ZBTB20: variants seen among roughly 807,000 people sequenced by gnomAD.
ZBTB20 encodes the protein zinc finger and BTB domain containing 20, also known as zinc finger and BTB domain-containing protein 20.
Under a neutral mutation model 56.9 loss-of-function variants are expected in ZBTB20, and 9 were observed. The ratio of observed to expected loss-of-function variants is 0.16; its 90% CI spans 0.10 to 0.28. The LOEUF is 0.28. Among genes scored for constraint, ZBTB20 ranks in the 10% least tolerant of loss-of-function variants. The probability of loss-of-function intolerance (pLI) is 1.00; values close to 1 mark genes in which losing one functional copy is unlikely to be tolerated. For missense variants in ZBTB20, 655 were observed against 1,003.0 expected (o/e 0.65, Z 4.69); for synonymous variants, 417 against 420.7 (o/e 0.99, Z 0.11).
At position 114,500,625 on chromosome 3, in the gene ZBTB20, T is replaced by C. The variant is rs78489535; in HGVS notation, c.-294-234A>G. ...CCTGCTATGATGACCAAGACAGTAC[T>C]TCCCAGCACAAGGAGTGCAAAGACC... is the stretch of plus-strand genomic sequence containing the variant. On this transcript the variant is annotated intron_variant, in intron 6 of 11. Coordinates refer to ENST00000675478, the MANE Select transcript of ZBTB20 (RefSeq NM_001348800.3). Among the ~76,000 whole-genome samples, 334 of 152,272 alleles carry C rather than the reference T, an allele frequency of 2.2e-3. 3 individuals carry two copies. Among genetic ancestry groups the C allele is most frequent in the African/African-American group, 7.6e-3 (316 of 41,552 alleles).
At chr3:114,952,335 T>C (rs1268212208) in intron 3 of ZBTB20, among the ~76,000 whole-genome samples, 1 of 152,094 alleles carries the variant, frequency 6.6e-6, no homozygotes, top group Non-Finnish European at 1.5e-5. Flanking sequence ...TCTTGCCACA[T>C]GATGCCTTCC....
chr3:114,426,465 T>C (rs1450409298), intron 7 of ZBTB20, among the ~76,000 whole-genome samples: 1 of 152,016 alleles, frequency 6.6e-6, no homozygotes, highest in Non-Finnish European at 1.5e-5. Flanking sequence ...TCAGATCAAT[T>C]GTGAATTATA....
At chr3:114,433,677 A>G (rs867883278) in intron 7 of ZBTB20, among the ~76,000 whole-genome samples, 1 of 152,148 alleles carries the variant, frequency 6.6e-6, no homozygotes. Flanking sequence ...CAGTCTCTGT[A>G]TTTATTAAGC....
chr3:115,000,590 T>C (rs2079206389), intron 2 of ZBTB20, among the ~76,000 whole-genome samples: 2 of 151,576 alleles, frequency 1.3e-5, no homozygotes, highest in South Asian at 4.1e-4. Flanking sequence ...AAAAGAAACA[T>C]TGGCCTATCA....
intron 2 of ZBTB20, among the ~76,000 whole-genome samples, chr3:115,013,865 C>CA (rs1326128621): frequency 6.6e-6 from 1 of 150,922 alleles, no homozygotes; most frequent in Non-Finnish European, 1.5e-5. Context: ...GGAAGTTCCT[C>CA]AAAAAACTAA....
intron 6 of ZBTB20, among the ~76,000 whole-genome samples, chr3:114,589,739 A>G (rs528785796): frequency 6.6e-6 from 1 of 151,992 alleles, no homozygotes; most frequent in Non-Finnish European, 1.5e-5. Context: ...ACCTGTGAAC[A>G]CTCTTTAGCA....
intron 5 of ZBTB20, among the ~76,000 whole-genome samples, chr3:114,798,503 T>C (rs608905): frequency 6.6e-6 from 1 of 151,832 alleles, no homozygotes; most frequent in Non-Finnish European, 1.5e-5. Context: ...GAAACATTGC[T>C]TAGACCCTGA....
At chr3:114,897,852 T>A (rs973028838) in intron 4 of ZBTB20, among the ~76,000 whole-genome samples, 3 of 152,112 alleles carry the variant, frequency 2.0e-5, no homozygotes, top group Non-Finnish European at 4.4e-5. Context: ...AACAAAAGGT[T>A]TTAATGCAAT....
chr3:114,839,385 G>A (rs2108990951), intron 4 of ZBTB20, among the ~76,000 whole-genome samples: 2 of 137,744 alleles, frequency 1.5e-5, no homozygotes, highest in East Asian at 4.6e-4. Context: ...TGCAGCCTGG[G>A]TGACAGAGTG....
chr3:114,639,739 A>G (rs1420096190), intron 6 of ZBTB20, among the ~76,000 whole-genome samples: 2 of 152,060 alleles, frequency 1.3e-5, no homozygotes. Context: ...ATACGAGTTC[A>G]TATCTCTCTC....
At chr3:115,105,858 C>A (rs1190881692) in intron 1 of ZBTB20, among the ~76,000 whole-genome samples, 1 of 152,176 alleles carries the variant, frequency 6.6e-6, no homozygotes, top group Non-Finnish European at 1.5e-5. Flanking sequence ...AGCTCCGTCG[C>A]CCAGGCTGGA....
chr3:114,571,351 ATTG>A (rs2107344032), intron 6 of ZBTB20, among the ~76,000 whole-genome samples: 1 of 152,300 alleles, frequency 6.6e-6, no homozygotes, highest in African/African-American at 2.4e-5. Context: ...GGGGAAAACT[ATTG>A]TTCTAAAATT....
chr3:114,394,643 C>A (rs1465539432), intron 7 of ZBTB20, among the ~76,000 whole-genome samples: 1 of 152,184 alleles, frequency 6.6e-6, no homozygotes, highest in African/African-American at 2.4e-5. Context: ...TGTGATCCTG[C>A]ATTTCTGAGA....
intron 5 of ZBTB20, among the ~76,000 whole-genome samples, chr3:114,753,087 C>T (rs2067689783): frequency 6.6e-6 from 1 of 151,694 alleles, no homozygotes; most frequent in Non-Finnish European, 1.5e-5. Context: ...CTGGTCTCTT[C>T]TCTGGAGGAT....
At chr3:114,462,811 C>T (rs1425201023) in intron 7 of ZBTB20, among the ~76,000 whole-genome samples, 2 of 152,166 alleles carry the variant, frequency 1.3e-5, no homozygotes, top group African/African-American at 2.4e-5. Flanking sequence ...TGCAGTATTT[C>T]TCAACAGCTC....
chr3:115,144,077 A>C (rs1201267813), intron 1 of ZBTB20, among the ~76,000 whole-genome samples: 1 of 152,266 alleles, frequency 6.6e-6, no homozygotes, highest in African/African-American at 2.4e-5. Context: ...TGATAAATTT[A>C]ACCATCCATT....
intron 2 of ZBTB20, among the ~76,000 whole-genome samples, chr3:115,033,879 T>C (rs1270390945): frequency 6.6e-6 from 1 of 151,682 alleles, no homozygotes; most frequent in Non-Finnish European, 1.5e-5. Context: ...CCAAATTCAG[T>C]AGCATATTAA....
chr3:114,364,240 T>G (rs1382927618), intron 10 of ZBTB20, among the ~76,000 whole-genome samples: 4 of 152,168 alleles, frequency 2.6e-5, no homozygotes, highest in African/African-American at 9.7e-5. Context: ...TCACTTGAGT[T>G]TAGGAGTTTG....
At chr3:114,478,167 T>C (rs2041083388) in intron 7 of ZBTB20, among the ~76,000 whole-genome samples, 1 of 151,960 alleles carries the variant, frequency 6.6e-6, no homozygotes, top group South Asian at 2.1e-4. Context: ...AGTTTCTCCA[T>C]GTTGGTCAGG....
Sources: allele counts gnomAD v4.1 joint callset (sites outside exome capture counted in the v4.1 genomes callset), GRCh38; gene constraint gnomAD v4.1.1; transcripts MANE v1.5; gene names NCBI Gene and HGNC (gene_info 2026-07-23, HGNC 2026-07-21).